RPRD1B: variants seen among roughly 807,000 people sequenced by gnomAD.
The protein encoded by RPRD1B is regulation of nuclear pre-mRNA domain containing 1B, also known as regulation of nuclear pre-mRNA domain-containing protein 1B.
Under a neutral mutation model 41.5 loss-of-function variants are expected in RPRD1B, and 11 were observed. That is an observed-to-expected ratio of 0.27 (90% confidence interval 0.17 to 0.44). The LOEUF (loss-of-function observed/expected upper bound fraction) is 0.44, where lower values mean the gene tolerates loss of function less well. Among genes scored for constraint, RPRD1B ranks in the 20% least tolerant of loss-of-function variants. The pLI, the probability that RPRD1B is intolerant of heterozygous loss-of-function variation, is 1.00. For missense variants in RPRD1B, 248 were observed against 389.9 expected (o/e 0.64, Z 3.06); for synonymous variants, 158 against 155.6 (o/e 1.02, Z -0.12).
chr20:38,042,432 G>A (rs1181823029), intron 2 of RPRD1B, among the ~76,000 whole-genome samples: 2 of 152,120 alleles, frequency 1.3e-5, no homozygotes, highest in African/African-American at 4.8e-5. Context: ...GTGGAAAAGG[G>A]GGTGGGCAAC....
chr20:38,034,380 A>G (rs1222908444), intron 1 of RPRD1B, among the ~76,000 whole-genome samples: 1 of 152,136 alleles, frequency 6.6e-6, no homozygotes, highest in African/African-American at 2.4e-5. Context: ...TGTGGCTGTT[A>G]TTATCTCGGC....
At chr20:38,084,973 C>T (rs542159458) in intron 6 of RPRD1B, among the ~76,000 whole-genome samples, 15 of 152,272 alleles carry the variant, frequency 9.9e-5, no homozygotes, top group Admixed American at 2.6e-4. Context: ...CTTCCCTATT[C>T]GGGGCCCCCC....
Position 38,091,799 on chromosome 20 carries a change from A to C in RPRD1B, c.*1924A>C, listed in dbSNP as rs771313444. On this transcript the variant is annotated 3_prime_UTR_variant, in exon 7 of 7. Transcript: ENST00000373433. Reference sequence around the variant, plus strand: ...ATCAACTAGATGAAAATATAGCAGAATGGATTTAGCCCACTGCTCTGTTTT... The same window carrying C: ...ATCAACTAGATGAAAATATAGCAGACTGGATTTAGCCCACTGCTCTGTTTT... The C allele has an allele frequency of 2.4e-5, 24 of 985,714 alleles. No homozygotes were observed. The highest frequency in any genetic ancestry group is 2.5e-5 in the Non-Finnish European group (21 of 829,912). The allele number at this position is 985,714 out of a possible 1,614,324, so 61.1% of individuals were successfully genotyped here.
At chr20:38,070,328 T>C (rs1001237815) in intron 6 of RPRD1B, 84 of 985,214 alleles carry the variant, frequency 8.5e-5, no homozygotes, top group Non-Finnish European at 9.8e-5. Flanking sequence ...GTCATGAACA[T>C]GAGAAAACCT....
chr20:38,056,203 A>G (rs774549765), intron 3 of RPRD1B, among the ~76,000 whole-genome samples: 16 of 152,066 alleles, frequency 1.1e-4, no homozygotes, highest in South Asian at 2.1e-4. Flanking sequence ...CCTGGCCAAC[A>G]TGGTGAATGA....
At chr20:38,081,359 A>C (rs564772138) in intron 6 of RPRD1B, among the ~76,000 whole-genome samples, 1 of 152,166 alleles carries the variant, frequency 6.6e-6, no homozygotes, top group Admixed American at 6.5e-5. Context: ...GTCAGCTTGG[A>C]CATTATTGGT....
In RPRD1B at chr20:38,076,043, T is replaced by C. The variant is rs142670527; in HGVS notation, c.831+9787T>C. On this transcript the variant is annotated intron_variant, in intron 6 of 6. Coordinates refer to ENST00000373433, the MANE Select transcript of RPRD1B (RefSeq NM_021215.4). ...TTACCAGCAGCCTTTCTGAGAATTA[T>C]TGGGGTTTGGACAGTAATTATGAAT... Among the ~76,000 whole-genome samples the C allele has an allele frequency of 5.0e-4, 76 of 152,360 alleles. 1 individual carries two copies. The highest frequency in any genetic ancestry group is 1.7e-3 in the African/African-American group (71 of 41,596).
At chr20:38,084,610 C>T (rs2074543984) in intron 6 of RPRD1B, among the ~76,000 whole-genome samples, 1 of 152,104 alleles carries the variant, frequency 6.6e-6, no homozygotes, top group South Asian at 2.1e-4. Flanking sequence ...ACTTCTCTAA[C>T]CAAAAAAGGC....
At chr20:38,047,202 C>G (rs147529686) in intron 2 of RPRD1B, among the ~76,000 whole-genome samples, 290 of 152,020 alleles carry the variant, frequency 1.9e-3, no homozygotes, top group African/African-American at 6.4e-3. Context: ...TTTTCCCGAA[C>G]CCTCACTTCT....
At chr20:38,049,755 G>C (rs899676942) in intron 3 of RPRD1B, 2 of 471,030 alleles carry the variant, frequency 4.2e-6, no homozygotes, top group Non-Finnish European at 8.8e-6. Flanking sequence ...GGCATGACAT[G>C]TTTCTTAGCT....
chr20:38,038,506 T>TTG (rs2074029551), intron 1 of RPRD1B, among the ~76,000 whole-genome samples: 1 of 143,184 alleles, frequency 7.0e-6, no homozygotes, highest in African/African-American at 2.6e-5. Flanking sequence ...TTTTTTTTTT[T>TTG]TTTTTTTTGA....
At chr20:38,050,668 G>T (rs921268712) in intron 3 of RPRD1B, among the ~76,000 whole-genome samples, 14 of 152,188 alleles carry the variant, frequency 9.2e-5, no homozygotes, top group African/African-American at 3.4e-4. Flanking sequence ...TTTGCACTCT[G>T]GGAATGTGTG....
intron 2 of RPRD1B, among the ~76,000 whole-genome samples, chr20:38,041,960 A>G (rs2074070633): frequency 1.3e-5 from 2 of 152,220 alleles, no homozygotes; most frequent in African/African-American, 4.8e-5. Flanking sequence ...AATACCATTT[A>G]TATAGCCTCC....
intron 3 of RPRD1B, among the ~76,000 whole-genome samples, chr20:38,056,144 T>C (rs2074238332): frequency 6.6e-6 from 1 of 152,132 alleles, no homozygotes; most frequent in East Asian, 1.9e-4. Flanking sequence ...CCCAGGACTT[T>C]GGGAGACCAA....
At chr20:38,070,355 C>T (rs2074399419) in intron 6 of RPRD1B, 2 of 985,352 alleles carry the variant, frequency 2.0e-6, no homozygotes, top group Non-Finnish European at 2.4e-6. Flanking sequence ...GGAGAAGGCA[C>T]GTGGAAGGAA....
rs2074614018 is a variant in RPRD1B, at chr20:38,091,762, A to G, written c.*1887A>G. 2 of 985,810 alleles carry G rather than the reference A, an allele frequency of 2.0e-6. No individual in the cohort carries two copies. The highest frequency in any genetic ancestry group is 2.4e-6 in the Non-Finnish European group (2 of 829,934). The allele number at this position is 985,810 out of a possible 1,614,324, so 61.1% of individuals were successfully genotyped here. On this transcript the variant is annotated 3_prime_UTR_variant, in exon 7 of 7. Coordinates refer to ENST00000373433, the MANE Select transcript of RPRD1B (RefSeq NM_021215.4). ...CAATCCAGCCAAAAGAGGATCGTAGATATTTGCTCTGATCAACTAGATGAA... is the reference window on the plus strand; with the variant it reads ...CAATCCAGCCAAAAGAGGATCGTAGGTATTTGCTCTGATCAACTAGATGAA...
Position 38,034,082 on chromosome 20 carries a change from C to T in RPRD1B, c.135C>T (p.His45=). Residue 45 remains histidine (H), a synonymous_variant, in exon 1 of 7, where the codon CAC becomes CAT. Coordinates refer to ENST00000373433, the MANE Select transcript of RPRD1B (RefSeq NM_021215.4). ...CGGGACCCATCGTCTCCGTGTGGCA[C>T]CGCGAGCTCCGCAAAGGTAAACACC... is the stretch of plus-strand genomic sequence containing the variant. The part of the protein sequence containing the change: ...KHAGPIVSVW[H]RELRKAKSNR... 6.2e-7 allele frequency: 1 copy of T among 1,613,642 alleles called. No individual in the cohort carries two copies.
At chr20:38,065,222 C>G (rs183790365) in intron 5 of RPRD1B, among the ~76,000 whole-genome samples, 1 of 152,296 alleles carries the variant, frequency 6.6e-6, no homozygotes, top group African/African-American at 2.4e-5. Flanking sequence ...TGCTATAGAT[C>G]ATTTTAGAGA....
chr20:38,072,308 T>A (rs2074420702), intron 6 of RPRD1B, among the ~76,000 whole-genome samples: 1 of 152,190 alleles, frequency 6.6e-6, no homozygotes, highest in Admixed American at 6.5e-5. Flanking sequence ...CCAGCACCCT[T>A]GTCAAAAATC....
Sources: gnomAD v4.1 joint callset for allele counts (sites outside exome capture counted in the v4.1 genomes callset) on GRCh38, gnomAD v4.1.1 for gene constraint, MANE v1.5 for transcripts, NCBI Gene and HGNC (gene_info 2026-07-23, HGNC 2026-07-21) for gene names.